Variants in DGKK observed in about 807,000 individuals in gnomAD.
DGKK encodes diacylglycerol kinase kappa, also known as 142 kDa diacylglycerol kinase.
DGKK carries 35 observed loss-of-function variants against 92.2 expected under a neutral mutation model. That is an observed-to-expected ratio of 0.38 (90% CI 0.29 to 0.50). The LOEUF (loss-of-function observed/expected upper bound fraction) is 0.50. Ranked by LOEUF, DGKK falls within the 20% of genes least tolerant of loss-of-function variation. The pLI, the probability that DGKK is intolerant of heterozygous loss-of-function variation, is 0.92. For synonymous variants in DGKK, 368 were observed against 360.6 expected (o/e 1.02, Z -0.23); for missense variants, 910 against 992.2 (o/e 0.92, Z 1.11).
chrX:50,463,682 T>C (rs1478499016), intron 1 of DGKK, among the ~76,000 whole-genome samples: 2 of 110,228 alleles, frequency 1.8e-5, no homozygotes, highest in African/African-American at 6.6e-5. Context: ...TGTTTCTTTT[T>C]TGTTTTCAGA....
intron 1 of DGKK, among the ~76,000 whole-genome samples, chrX:50,462,025 G>A (rs184257593): frequency 9.0e-6 from 1 of 111,695 alleles, no homozygotes. Flanking sequence ...TTAATAGCAA[G>A]AGTGTCACTG....
At chrX:50,462,882 CTTTTTTTTTTTTTTT>C (rs548003185) in intron 1 of DGKK, among the ~76,000 whole-genome samples, 230 of 15,803 alleles carry the variant, frequency 0.015, 3 homozygotes, top group Non-Finnish European at 0.029. Flanking sequence ...CCTTTCCTTG[CTTTTTTTTTTTTTTT>C]TTTTTTTTTT....
In DGKK at chrX:50,437,028, C is replaced by A. The variant is rs782739463; in HGVS notation, c.646-12670G>T. 6.0e-4 allele frequency among the ~76,000 whole-genome samples: 67 copies of A among 111,296 alleles called. 1 individual carries two copies. Among genetic ancestry groups the A allele is most frequent in the Admixed American group, 2.4e-3 (25 of 10,481 alleles). ...CTCTTGGTTAACGAAAGTAATATGA[C>A]GCTGGACCCAAAGGGAAATTGTCCT... On this transcript the variant is annotated intron_variant, in intron 1 of 27. Transcript: ENST00000611977.
rs1462615753 is a variant in DGKK at position 50,414,812 on chromosome X, A to G, written c.942+5591T>C. On this transcript the variant is annotated intron_variant, in intron 4 of 27. Transcript: ENST00000611977. The stretch of plus-strand genomic sequence containing the variant: ...TTAATTAGCTATCTCTACAAAAGCC[A>G]GCAATAGAGATGGGATTATAGTAGC... Among the ~76,000 whole-genome samples, 3 of 112,176 alleles carry G rather than the reference A, an allele frequency of 2.7e-5. No homozygotes were observed. The East Asian group carries it at 8.4e-4, about 31-fold the overall frequency.
chrX:50,404,294 G>C (rs1925089496), intron 4 of DGKK, 110 bp from the exon 5 acceptor site: 1 of 872,339 alleles, frequency 1.1e-6, no homozygotes, highest in South Asian at 3.2e-5. Flanking sequence ...ATAGGTGTCA[G>C]AGCGTGTGAA....
At chrX:50,426,321 C>G (rs912280331) in intron 1 of DGKK, among the ~76,000 whole-genome samples, 1 of 111,691 alleles carries the variant, frequency 9.0e-6, no homozygotes, top group Non-Finnish European at 1.9e-5. Context: ...GAAGCACTTA[C>G]CCTTAAAGAA....
At chrX:50,450,072 T>C (rs1926461009) in intron 1 of DGKK, among the ~76,000 whole-genome samples, 1 of 111,320 alleles carries the variant, frequency 9.0e-6, no homozygotes, top group African/African-American at 3.3e-5. Flanking sequence ...ACAAACCCTA[T>C]CCTTGAGGCC....
intron 1 of DGKK, among the ~76,000 whole-genome samples, chrX:50,445,772 T>C (rs141858055): frequency 9.0e-6 from 1 of 111,576 alleles, no homozygotes; most frequent in East Asian, 2.8e-4. Context: ...GGGCTCCTTT[T>C]TGGCTCAATA....
chrX:50,425,396 T>G (rs1281147642), intron 1 of DGKK, among the ~76,000 whole-genome samples: 1 of 111,025 alleles, frequency 9.0e-6, no homozygotes, highest in Non-Finnish European at 1.9e-5. Flanking sequence ...TGCATTTATA[T>G]TCTCACATGG....
chrX:50,385,944 CA>C (rs1557224920), intron 15 of DGKK, among the ~76,000 whole-genome samples: 10 of 111,899 alleles, frequency 8.9e-5, no homozygotes, highest in Non-Finnish European at 1.9e-5. Flanking sequence ...TCATGTGCAA[CA>C]CATGCAGAGT....
chrX:50,429,125 C>T (rs1195107673), intron 1 of DGKK, among the ~76,000 whole-genome samples: 1 of 111,844 alleles, frequency 8.9e-6, no homozygotes, highest in Non-Finnish European at 1.9e-5. Flanking sequence ...GGTCCCTGGC[C>T]TCTGGCAGAT....
At chrX:50,449,268 C>T (rs1275674696) in intron 1 of DGKK, among the ~76,000 whole-genome samples, 1 of 111,281 alleles carries the variant, frequency 9.0e-6, no homozygotes, top group East Asian at 2.9e-4. Context: ...GCCTCATCTC[C>T]TCCCTCACTC....
At chrX:50,396,632 G>C (rs189298585) in intron 8 of DGKK, among the ~76,000 whole-genome samples, 15 of 110,677 alleles carry the variant, frequency 1.4e-4, no homozygotes, top group African/African-American at 4.9e-4. Context: ...AAGACAGTGG[G>C]ACATAGCCCC....
At chrX:50,448,643 A>T (rs972595854) in intron 1 of DGKK, among the ~76,000 whole-genome samples, 1 of 111,191 alleles carries the variant, frequency 9.0e-6, no homozygotes, top group African/African-American at 3.3e-5. Context: ...TTCTTCCGAG[A>T]GTCTGTAAAG....
intron 13 of DGKK, among the ~76,000 whole-genome samples, 173 bp downstream of exon 13, chrX:50,388,354 C>T (rs886241743): frequency 4.5e-5 from 5 of 112,056 alleles, no homozygotes; most frequent in Non-Finnish European, 9.4e-5. Flanking sequence ...GACTTCACCT[C>T]AATGTCATCT....
At chrX:50,435,998 G>A (rs1342850607) in intron 1 of DGKK, among the ~76,000 whole-genome samples, 3 of 111,758 alleles carry the variant, frequency 2.7e-5, no homozygotes, top group African/African-American at 9.8e-5. Flanking sequence ...CTCACATGGA[G>A]TCAGGAGATA....
chrX:50,469,401 C>A (rs1602311375), intron 1 of DGKK, among the ~76,000 whole-genome samples: 1 of 112,971 alleles, frequency 8.9e-6, no homozygotes, highest in Non-Finnish European at 1.9e-5. Flanking sequence ...TCCCCCTCCT[C>A]CCGGAGAACC....
At chrX:50,387,952 T>C (rs1336508781) in intron 13 of DGKK, among the ~76,000 whole-genome samples, 2 of 112,424 alleles carry the variant, frequency 1.8e-5, no homozygotes, top group Middle Eastern at 4.2e-3. Context: ...ATTCACTTGG[T>C]CCAACTTGGG....
At chrX:50,460,725 C>T (rs1177765927) in intron 1 of DGKK, among the ~76,000 whole-genome samples, 1 of 111,608 alleles carries the variant, frequency 9.0e-6, no homozygotes, top group Non-Finnish European at 1.9e-5. Flanking sequence ...AGTTTATTAA[C>T]TCTCTCAAGT....
Sources: gnomAD v4.1 joint callset for allele counts (sites outside exome capture counted in the v4.1 genomes callset) on GRCh38, gnomAD v4.1.1 for gene constraint, MANE v1.5 for transcripts, NCBI Gene and HGNC (gene_info 2026-07-23, HGNC 2026-07-21) for gene names.